DISP3: variants seen among roughly 807,000 people sequenced by gnomAD.
The protein encoded by DISP3 is dispatched RND transporter family member 3.
Under a neutral mutation model 135.3 loss-of-function variants are expected in DISP3, and 101 were observed. That is an observed-to-expected ratio of 0.75 (90% CI 0.64 to 0.88). The LOEUF (loss-of-function observed/expected upper bound fraction) is 0.88. DISP3 is among the 40% of genes least tolerant of loss of function. The pLI is 0.00. For missense variants in DISP3, 1,713 were observed against 1,878.6 expected, an observed-to-expected ratio of 0.91 and a Z score of 1.63; for synonymous variants, 856 against 817.0, an observed-to-expected ratio of 1.05 and a Z score of -0.81.
chr1:11,526,612 C>G (rs965820949), intron 12 of DISP3, 39 bp from the exon 13 acceptor site: 6 of 1,592,200 alleles, frequency 3.8e-6, no homozygotes, highest in Non-Finnish European at 3.4e-6. Flanking sequence ...GGCAGCCCCC[C>G]CGAGTCATGT....
Position 11,531,421 on chromosome 1 carries a change from T to G in DISP3, c.3230-144T>G. The G allele has an allele frequency of 5.1e-6, 6 of 1,186,608 alleles. No individual in the cohort carries two copies. Among genetic ancestry groups the G allele is most frequent in the African/African-American group, 1.5e-5 (1 of 66,178 alleles). The allele number at this position is 1,186,608 out of a possible 1,614,324, so 73.5% of individuals were successfully genotyped here. ...ATGTTCCACCCCGATGGCAAATGCA[T>G]GTTGTAGGTTTCCCAATGCCGTTGC... On this transcript the variant is annotated intron_variant, in intron 16 of 20. Coordinates refer to ENST00000294484, the MANE Select transcript of DISP3 (RefSeq NM_020780.2). The surrounding 1 kb of genome is among the most constrained non-coding windows in gnomAD (Gnocchi z 5.2).
intron 13 of DISP3, 109 bp downstream of exon 13, chr1:11,526,944 C>CTTTT: frequency 7.8e-6 from 8 of 1,024,234 alleles, no homozygotes; most frequent in South Asian, 1.9e-5. Context: ...GGCCCCCTCA[C>CTTTT]TTTTTTTTTT....
chr1:11,525,641 TGTGAG>T (rs1642392743), intron 12 of DISP3, among the ~76,000 whole-genome samples: 1 of 152,172 alleles, frequency 6.6e-6, no homozygotes, highest in South Asian at 2.1e-4. Context: ...GTTGGAGGGG[TGTGAG>T]GTGAGGCCTG....
At chr1:11,532,664 A>T (rs925565596) in intron 17 of DISP3, among the ~76,000 whole-genome samples, 1 of 152,126 alleles carries the variant, frequency 6.6e-6, no homozygotes, top group Admixed American at 6.5e-5. Context: ...GTGGTAAAAT[A>T]TACATAAGGT....
At chr1:11,517,294 G>C (rs1322864577) in intron 6 of DISP3, among the ~76,000 whole-genome samples, 169 bp from the exon 7 acceptor site, 2 of 152,202 alleles carry the variant, frequency 1.3e-5, no homozygotes, top group African/African-American at 4.8e-5. Context: ...CTTGGCTCCT[G>C]GTGTCCTGTG....
rs376610652 is a variant in DISP3, at chr1:11,521,941, A to G, written c.2362+1093A>G. Among the ~76,000 whole-genome samples, 113 of 152,224 alleles carry G rather than the reference A, an allele frequency of 7.4e-4. 1 individual carries two copies. The South Asian group carries it at 0.017, about 22-fold the overall frequency. On this transcript the variant is annotated intron_variant, in intron 10 of 20. Coordinates refer to ENST00000294484, the MANE Select transcript of DISP3 (RefSeq NM_020780.2). ...CCCAGGTGCTGTGTGGAGGTGGACT[A>G]GGGCACTGGGGTGGAAGCTAGCTGG...
rs538675628 is a variant in DISP3 at position 11,479,306 on chromosome 1, C to A, written c.-70C>A. ...AGTCTGCGCAGCGTGGTGGCCGCCG[C>A]CCCCCGACCCTCTGCGCACTCTCTC... On this transcript the variant is annotated 5_prime_UTR_variant, in exon 1 of 21. Coordinates refer to ENST00000294484, the MANE Select transcript of DISP3 (RefSeq NM_020780.2). The A allele has an allele frequency of 6.4e-6, 1 of 156,128 alleles. No individual in the cohort carries two copies. Among genetic ancestry groups the A allele is most frequent in the Non-Finnish European group, 1.5e-5 (1 of 68,116 alleles). The allele number at this position is 156,128 out of a possible 1,614,324, so 9.7% of individuals were successfully genotyped here.
At chr1:11,486,751 CA>C (rs1641046724) in intron 1 of DISP3, among the ~76,000 whole-genome samples, 1 of 151,962 alleles carries the variant, frequency 6.6e-6, no homozygotes, top group African/African-American at 2.4e-5. Flanking sequence ...AATCACAGCT[CA>C]CTGCAGCCTC....
rs1437846936 is a variant in DISP3 at position 11,499,397 on chromosome 1, A to C, written c.-3-1593A>C. On this transcript the variant is annotated intron_variant, in intron 1 of 20. Coordinates refer to ENST00000294484, the MANE Select transcript of DISP3 (RefSeq NM_020780.2). The surrounding 1 kb of genome is among the most constrained non-coding windows in gnomAD (Gnocchi z 5.2). ...GGCTCCCACACTCACCTCCACATGC[A>C]GACTTGGTTTTTCCCTTTGGAGATG... 6.6e-6 allele frequency among the ~76,000 whole-genome samples: 1 copy of C among 152,108 alleles called. No homozygotes were observed. Among genetic ancestry groups the C allele is most frequent in the Non-Finnish European group, 1.5e-5 (1 of 68,014 alleles).
In DISP3 at chr1:11,535,442, G is replaced by A. The variant is rs759308389; in HGVS notation, c.3650-36G>A. On this transcript the variant is annotated intron_variant, in intron 19 of 20. Coordinates refer to ENST00000294484, the MANE Select transcript of DISP3 (RefSeq NM_020780.2). ...TGTTCCTCTGAGGCCTCCAGGGCGG[G>A]GGATCCGAGCTGCCCCCCCTGCTGT... 2.5e-5 allele frequency: 39 copies of A among 1,573,856 alleles called. No individual in the cohort carries two copies. In the South Asian group the frequency reaches 4.5e-4, roughly 18 times the overall value.
intron 10 of DISP3, among the ~76,000 whole-genome samples, chr1:11,522,585 A>ACCCAGCCAGAG (rs1642236704): frequency 1.1e-5 from 1 of 88,620 alleles, no homozygotes; most frequent in Admixed American, 1.2e-4. Context: ...CCCAGCCAAG[A>ACCCAGCCAGAG]CCCAGCCAGG....
At chr1:11,504,896 TC>T (rs1488568650) in intron 3 of DISP3, among the ~76,000 whole-genome samples, 4 of 152,242 alleles carry the variant, frequency 2.6e-5, no homozygotes, top group African/African-American at 9.6e-5. Context: ...ACTACCTGTT[TC>T]CACAGTCCCC....
At chr1:11,508,728 G>A (rs1046514460) in intron 3 of DISP3, among the ~76,000 whole-genome samples, 6 of 152,134 alleles carry the variant, frequency 3.9e-5, no homozygotes, top group African/African-American at 1.4e-4. Context: ...TGTGAGGTAA[G>A]CACATCAATG....
Position 11,520,697 on chromosome 1 carries a change from C to G in DISP3, c.2211C>G (p.Val737=), listed in dbSNP as rs1267709892. The change falls in exon 10 of 21, where the codon GTC becomes GTG. Residue 737 remains valine, a synonymous_variant. Transcript: ENST00000294484. The surrounding 1 kb of genome is among the most constrained non-coding windows in gnomAD (Gnocchi z 4.8). ...GCCCTTTCCTCACAGGGCTGTTCGT[C>G]TCCATCCTCATCTTGTCCCTGGTGT... ...KSRWVIVGLF[V]SILILSLVFA... 1 of 1,613,186 alleles carries G rather than the reference C, an allele frequency of 6.2e-7. No individual in the cohort carries two copies. The highest frequency in any genetic ancestry group is 1.3e-5 in the African/African-American group (1 of 74,910).
At chr1:11,522,793 A>G (rs148324898) in intron 10 of DISP3, among the ~76,000 whole-genome samples, 1,242 of 14,532 alleles carry the variant, frequency 0.085, 31 homozygotes, top group East Asian at 0.18. Context: ...GCCCAGCCAG[A>G]GCCCAGCCAG....
chr1:11,535,677 C>A (rs1416682954), intron 20 of DISP3, 33 bp downstream of exon 20: 5 of 1,592,204 alleles, frequency 3.1e-6, no homozygotes, highest in Non-Finnish European at 4.3e-6. Flanking sequence ...CCACTTCCCA[C>A]CACATTGGGT....
In DISP3 at chr1:11,529,637, C is replaced by T; in HGVS notation, c.2880C>T (p.Ser960=). The change falls in exon 14 of 21, where the codon TCC becomes TCT. Residue 960 remains serine (S), a synonymous_variant. Transcript: ENST00000294484. This position sits in a 1 kb window ranked among gnomAD's most constrained non-coding sequence, Gnocchi z 4.7. ...CMAPPGCLLS[S]SPDGPTKGFF... is the part of the protein sequence containing the mutation. ...CACCCCCTGGCTGCCTGCTTAGCTCCAGCCCCGATGGGCCTACCAAAGGCT... is the reference window on the plus strand; with the variant it reads ...CACCCCCTGGCTGCCTGCTTAGCTCTAGCCCCGATGGGCCTACCAAAGGCT... 2 of 1,609,520 alleles carry T rather than the reference C, an allele frequency of 1.2e-6. No individual in the cohort carries two copies. Among genetic ancestry groups the T allele is most frequent in the Middle Eastern group, 1.7e-4 (1 of 6,060 alleles).
chr1:11,479,668 CCAGGAACGG>C (rs1030418161), intron 1 of DISP3, among the ~76,000 whole-genome samples: 11 of 152,342 alleles, frequency 7.2e-5, no homozygotes, highest in Non-Finnish European at 1.5e-4. Flanking sequence ...TGTTGGATGT[CCAGGAACGG>C]CAAGGCTTCC....
At position 11,483,972 on chromosome 1, in the gene DISP3, C is replaced by A. The variant is rs941708341; in HGVS notation, c.-4+4600C>A. Among the ~76,000 whole-genome samples the A allele has an allele frequency of 6.6e-6, 1 of 152,176 alleles. No homozygotes were observed. The highest frequency in any genetic ancestry group is 1.5e-5 in the Non-Finnish European group (1 of 68,020). ...CAGGCCAGGGATCTTCCCAGGCAGCCGGACTGGCTTCCTTGGGTGTGTGGG... is the reference window on the plus strand; with the variant it reads ...CAGGCCAGGGATCTTCCCAGGCAGCAGGACTGGCTTCCTTGGGTGTGTGGG... On this transcript the variant is annotated intron_variant, in intron 1 of 20. Transcript: ENST00000294484. This position sits in a 1 kb window ranked among gnomAD's most constrained non-coding sequence, Gnocchi z 5.4.
Sources: gnomAD v4.1 joint callset for allele counts (sites outside exome capture counted in the v4.1 genomes callset) on GRCh38, gnomAD v4.1.1 for gene constraint, Gnocchi (gnomAD v3.1) non-coding constraint, MANE v1.5 for transcripts, NCBI Gene and HGNC (gene_info 2026-07-23, HGNC 2026-07-21) for gene names.